The following KCNMB2 variants were observed in gnomAD, a reference collection of about 807,000 sequenced individuals.
The protein encoded by KCNMB2 is potassium calcium-activated channel subfamily M regulatory beta subunit 2.
KCNMB2 carries 9 observed loss-of-function variants against 24.5 expected under a neutral mutation model. That is an observed-to-expected ratio of 0.37 (90% CI 0.22 to 0.64). The LOEUF (loss-of-function observed/expected upper bound fraction) is 0.64. Ranked by LOEUF, KCNMB2 falls within the 30% of genes least tolerant of loss-of-function variation. The pLI is 0.63. For synonymous variants in KCNMB2, 109 were observed against 104.4 expected (o/e 1.04, Z -0.27); for missense variants, 226 against 284.3 (o/e 0.79, Z 1.47).
At chr3:178,664,265 T>G (rs976645779) in intron 1 of KCNMB2, among the ~76,000 whole-genome samples, 3 of 152,000 alleles carry the variant, frequency 2.0e-5, no homozygotes, top group Admixed American at 2.0e-4. Context: ...AGAGAACAAA[T>G]GACATGATTA....
intron 1 of KCNMB2, among the ~76,000 whole-genome samples, chr3:178,573,021 A>G (rs778125095): frequency 3.4e-5 from 5 of 146,736 alleles, no homozygotes; most frequent in Non-Finnish European, 6.0e-5. Context: ...TTGAGGAAGA[A>G]TTTTTTTTTT....
At chr3:178,539,723 G>C (rs139296047) in intron 1 of KCNMB2, among the ~76,000 whole-genome samples, 99 of 152,158 alleles carry the variant, frequency 6.5e-4, no homozygotes, top group African/African-American at 2.1e-3. Context: ...GAAAGAGAGA[G>C]AGAGAGTGTG....
chr3:178,819,011 T>G (rs1714518131), intron 2 of KCNMB2, among the ~76,000 whole-genome samples: 1 of 152,222 alleles, frequency 6.6e-6, no homozygotes, highest in African/African-American at 2.4e-5. Flanking sequence ...TTAAATCAAG[T>G]TATGGTCCCT....
intron 2 of KCNMB2, among the ~76,000 whole-genome samples, chr3:178,819,701 G>T (rs1714552138): frequency 6.6e-6 from 1 of 152,042 alleles, no homozygotes; most frequent in South Asian, 2.1e-4. Flanking sequence ...ACAAATTTTG[G>T]TTAATTGATA....
intron 1 of KCNMB2, among the ~76,000 whole-genome samples, chr3:178,716,307 A>AT (rs1215195624): frequency 6.6e-6 from 1 of 152,200 alleles, no homozygotes; most frequent in African/African-American, 2.4e-5. Context: ...TATCACATTT[A>AT]TCTCCCTCAC....
At chr3:178,770,499 C>T (rs552007778) in intron 1 of KCNMB2, among the ~76,000 whole-genome samples, 1 of 152,176 alleles carries the variant, frequency 6.6e-6, no homozygotes, top group African/African-American at 2.4e-5. Flanking sequence ...CAGACAGGAC[C>T]TAGCGGTGTT....
At chr3:178,755,163 G>C (rs1054193386) in intron 1 of KCNMB2, among the ~76,000 whole-genome samples, 1 of 152,188 alleles carries the variant, frequency 6.6e-6, no homozygotes, top group Non-Finnish European at 1.5e-5. Context: ...CTCCATCTGG[G>C]GCAGCAGCAA....
intron 1 of KCNMB2, among the ~76,000 whole-genome samples, chr3:178,659,163 T>C (rs1358597987): frequency 6.6e-6 from 1 of 152,236 alleles, no homozygotes; most frequent in East Asian, 1.9e-4. Flanking sequence ...ACTATGGAAT[T>C]CTATGCATGT....
chr3:178,628,160 A>C (rs1468095374), intron 1 of KCNMB2, among the ~76,000 whole-genome samples: 1 of 152,174 alleles, frequency 6.6e-6, no homozygotes, highest in Admixed American at 6.5e-5. Context: ...TGTCTCATAC[A>C]GTAACTCTCC....
intron 1 of KCNMB2, among the ~76,000 whole-genome samples, chr3:178,618,771 G>GCTCTCCTGGCTA: frequency 6.6e-6 from 1 of 152,290 alleles, no homozygotes; most frequent in Admixed American, 6.5e-5. Flanking sequence ...TCAGATAGAG[G>GCTCTCCTGGCTA]AGAGGCTAAG....
chr3:178,837,350 C>T (rs965649686), intron 4 of KCNMB2, among the ~76,000 whole-genome samples: 5 of 152,008 alleles, frequency 3.3e-5, no homozygotes, highest in African/African-American at 9.7e-5. Flanking sequence ...CTCTATTAAC[C>T]CCATTATATA....
At position 178,781,155 on chromosome 3, in the gene KCNMB2, ATTTC is replaced by A. The variant is rs1193396437; in HGVS notation, c.-67-26184_-67-26181del. The stretch of plus-strand genomic sequence containing the variant: ...TATATTATTAGAATTAATTTTTCCT[ATTTC>A]TTTTATTATTTTAATGTAATACTAG... On this transcript the variant is annotated intron_variant, in intron 1 of 4. Coordinates refer to ENST00000452583, the MANE Select transcript of KCNMB2 (RefSeq NM_181361.3). 5.9e-5 allele frequency among the ~76,000 whole-genome samples: 9 copies of A among 151,924 alleles called. No homozygotes were observed. The East Asian group carries it at 1.7e-3, about 29-fold the overall frequency.
chr3:178,603,687 G>A (rs1035947176), intron 1 of KCNMB2, among the ~76,000 whole-genome samples: 5 of 152,178 alleles, frequency 3.3e-5, no homozygotes, highest in Non-Finnish European at 4.4e-5. Context: ...GGGAGAGCAT[G>A]TTAGTTGAAT....
intron 1 of KCNMB2, among the ~76,000 whole-genome samples, chr3:178,681,628 C>T (rs763156446): frequency 6.6e-6 from 1 of 152,170 alleles, no homozygotes; most frequent in Non-Finnish European, 1.5e-5. Context: ...AGTAATTTGT[C>T]CAAGGTCCTA....
At chr3:178,565,862 A>G (rs1716499907) in intron 1 of KCNMB2, among the ~76,000 whole-genome samples, 1 of 152,228 alleles carries the variant, frequency 6.6e-6, no homozygotes, top group Admixed American at 6.5e-5. Context: ...TACAATATTT[A>G]ATAACACTGA....
chr3:178,825,428 G>A (rs557445763), intron 2 of KCNMB2, among the ~76,000 whole-genome samples, 160 bp from the exon 3 acceptor site: 7 of 152,290 alleles, frequency 4.6e-5, no homozygotes, highest in Admixed American at 2.0e-4. Context: ...GTACATGCAT[G>A]TGTGTGCTTG....
chr3:178,546,435 G>A (rs2108450399), intron 1 of KCNMB2, among the ~76,000 whole-genome samples: 1 of 152,274 alleles, frequency 6.6e-6, no homozygotes, highest in East Asian at 1.9e-4. Context: ...TACATTTATT[G>A]CAGCTTGTAT....
chr3:178,581,667 G>T (rs1577026219), intron 1 of KCNMB2, among the ~76,000 whole-genome samples: 1 of 151,836 alleles, frequency 6.6e-6, no homozygotes, highest in East Asian at 1.9e-4. Context: ...AAACAAATTT[G>T]CAAGAAAAAA....
chr3:178,716,418 G>A (rs1722618893), intron 1 of KCNMB2, among the ~76,000 whole-genome samples: 1 of 151,372 alleles, frequency 6.6e-6, no homozygotes, highest in Non-Finnish European at 1.5e-5. Context: ...CTGGTAAGAG[G>A]TGGAGCCAGA....
Sources: allele counts gnomAD v4.1 joint callset (sites outside exome capture counted in the v4.1 genomes callset), GRCh38; gene constraint gnomAD v4.1.1; transcripts MANE v1.5; gene names NCBI Gene and HGNC (gene_info 2026-07-23, HGNC 2026-07-21).